The following PRDM16 variants were observed in gnomAD, a reference collection of about 807,000 sequenced individuals.
The protein encoded by PRDM16 is histone-lysine N-methyltransferase PRDM16.
Under a neutral mutation model 110.6 loss-of-function variants are expected in PRDM16, and 23 were observed. That is an observed-to-expected ratio of 0.21 (90% CI 0.15 to 0.29). The LOEUF is 0.29. Ranked by LOEUF, PRDM16 falls within the 10% of genes least tolerant of loss-of-function variation. PRDM16 has a pLI of 1.00. For missense variants in PRDM16, 1,615 were observed against 1,794.3 expected, an observed-to-expected ratio of 0.90 and a Z score of 1.81; for synonymous variants, 799 against 781.8, an observed-to-expected ratio of 1.02 and a Z score of -0.37.
At position 3,411,912 on chromosome 1, in the gene PRDM16, C is replaced by A. The variant is rs750914621; in HGVS notation, c.1715C>A (p.Ala572Asp). 2.0e-5 allele frequency: 33 copies of A among 1,613,736 alleles called. No homozygotes were observed. The South Asian group carries it at 3.6e-4, about 18-fold the overall frequency. ...VSNSSQGTTAAAGPEEKFESR... is the reference protein window; with the variant it reads ...VSNSSQGTTADAGPEEKFESR... ...AACAGCAGCCAGGGCACGACGGCAG[C>A]TGCGGGGCCCGAGGAGAAGTTCGAG... Residue 572 changes from alanine to aspartate, a missense_variant, in exon 9 of 17, where the codon GCT (alanine) becomes GAT (aspartate). By Grantham distance (126) the Ala-to-Asp change is moderately radical. Around this residue, in one of 5 missense-constraint regions of PRDM16, gnomAD observed 772 missense variants for 748.3 expected, o/e 1.03. Transcript: ENST00000270722.
Position 3,426,111 on chromosome 1 carries a change from C to G in PRDM16, c.3170C>G (p.Ser1057Ter). ...HLGTSASSPT[S>*]ESDNHALLDE... The stretch of plus-strand genomic sequence containing the variant: ...GGGACCAGCGCGTCCTCTCCCACCT[C>G]AGAGTCGGACAACCACGCACTTTTA... The change falls in exon 14 of 17, where the codon TCA (serine) becomes TGA (stop). Residue 1057 changes from serine to a stop codon, truncating the protein, a stop_gained. Coordinates refer to ENST00000270722, the MANE Select transcript of PRDM16 (RefSeq NM_022114.4). LOFTEE classifies it high-confidence loss of function. 1 of 1,614,046 alleles carries G rather than the reference C, an allele frequency of 6.2e-7. No individual in the cohort carries two copies. The highest frequency in any genetic ancestry group is 8.5e-7 in the Non-Finnish European group (1 of 1,179,998).
rs1643020099 is a variant in PRDM16 at position 3,118,511 on chromosome 1, C to T, written c.37+49215C>T. 1.3e-5 allele frequency among the ~76,000 whole-genome samples: 2 copies of T among 152,192 alleles called. 1 individual carries two copies. The highest frequency in any genetic ancestry group is 4.1e-4 in the South Asian group (2 of 4,830). On this transcript the variant is annotated intron_variant, in intron 1 of 16. Transcript: ENST00000270722. ...CCGGGTAGTGTGGCCAGGGGCCTTCCCCGGCATGATGGCATCCGCCCCCAG... is the reference window on the plus strand; with the variant it reads ...CCGGGTAGTGTGGCCAGGGGCCTTCTCCGGCATGATGGCATCCGCCCCCAG...
At chr1:3,079,924 C>T (rs2100575341) in intron 1 of PRDM16, among the ~76,000 whole-genome samples, 1 of 152,336 alleles carries the variant, frequency 6.6e-6, no homozygotes, top group Non-Finnish European at 1.5e-5. Flanking sequence ...GAGCCACTTG[C>T]CTTGGCTGCA....
intron 1 of PRDM16, among the ~76,000 whole-genome samples, chr1:3,099,719 C>T (rs2981869): frequency 0.18 from 27,521 of 152,176 alleles, 2,771 homozygotes; most frequent in East Asian, 0.31. Context: ...GCTGGGGCCA[C>T]CCACCAGGCC....
At chr1:3,288,660 G>T (rs941290388) in intron 3 of PRDM16, among the ~76,000 whole-genome samples, 10 of 152,156 alleles carry the variant, frequency 6.6e-5, no homozygotes, top group Non-Finnish European at 1.3e-4. Flanking sequence ...CACCCCAGGG[G>T]CTCTAAAGAT....
intron 3 of PRDM16, among the ~76,000 whole-genome samples, chr1:3,361,817 G>A (rs1569570994): frequency 1.3e-5 from 2 of 150,548 alleles, no homozygotes. Context: ...AGGGCAGGTG[G>A]TGAGAAGTGA....
intron 1 of PRDM16, among the ~76,000 whole-genome samples, chr1:3,156,283 A>G (rs1643858261): frequency 6.6e-6 from 1 of 152,194 alleles, no homozygotes; most frequent in Non-Finnish European, 1.5e-5. Context: ...GATGGTGGCC[A>G]CTTTGAGTGT....
intron 9 of PRDM16, among the ~76,000 whole-genome samples, chr1:3,413,672 A>G (rs1370170353): frequency 6.6e-6 from 1 of 152,154 alleles, no homozygotes; most frequent in African/African-American, 2.4e-5. Flanking sequence ...TGTGTCTTGC[A>G]ACGGGGTGGC....
At chr1:3,181,963 CCTTACACATGCAGTCACATG>C (rs902590702) in intron 1 of PRDM16, among the ~76,000 whole-genome samples, 36 of 152,092 alleles carry the variant, frequency 2.4e-4, no homozygotes, top group South Asian at 2.1e-3. Context: ...CTTACACATG[CCTTACACATGCAGTCACATG>C]CTTACACATG....
intron 1 of PRDM16, among the ~76,000 whole-genome samples, chr1:3,122,782 G>C (rs957909957): frequency 7.2e-5 from 11 of 152,030 alleles, no homozygotes; most frequent in African/African-American, 2.7e-4. Context: ...GGGAGATGCT[G>C]TTGTATTTTA....
intron 1 of PRDM16, among the ~76,000 whole-genome samples, chr1:3,091,336 T>A (rs1642271692): frequency 6.6e-6 from 1 of 152,162 alleles, no homozygotes; most frequent in Admixed American, 6.5e-5. Context: ...AGCACTGGAC[T>A]TGACTTAAGC....
intron 3 of PRDM16, among the ~76,000 whole-genome samples, chr1:3,336,233 C>T (rs114374463): frequency 1.2e-3 from 179 of 152,148 alleles, no homozygotes; most frequent in African/African-American, 4.2e-3. Context: ...TGTGCACGTG[C>T]GTATATATGT....
intron 1 of PRDM16, among the ~76,000 whole-genome samples, chr1:3,159,201 C>T (rs940534162): frequency 1.3e-5 from 2 of 152,250 alleles, no homozygotes; most frequent in South Asian, 2.1e-4. Flanking sequence ...GCATGAGAAC[C>T]GAAGCCAGAT....
rs1553140763 is a variant in PRDM16 at position 3,181,060 on chromosome 1, G to GGTCTTACACACGCA, written c.38-5054_38-5053insGCAGTCTTACACAC. ...GTCTTACACACGCAGTCTTACACGC[G>GGTCTTACACACGCA]GTCTTACACACCCGGTCTTACACAC... is the stretch of plus-strand genomic sequence containing the variant. On this transcript the variant is annotated intron_variant, in intron 1 of 16. Coordinates refer to ENST00000270722, the MANE Select transcript of PRDM16 (RefSeq NM_022114.4). 3.6e-3 allele frequency among the ~76,000 whole-genome samples: 286 copies of GGTCTTACACACGCA among 78,478 alleles called. 4 individuals carry two copies. The highest frequency in any genetic ancestry group is 0.01 in the African/African-American group (274 of 27,386). The allele number at this position is 78,478 out of a possible 152,430, so 51.5% of individuals were successfully genotyped here. A position where few individuals can be genotyped will look rare whatever the true frequency, so the allele number is the denominator to read the frequency against.
intron 3 of PRDM16, among the ~76,000 whole-genome samples, chr1:3,329,864 C>T (rs922316993): frequency 2.0e-5 from 3 of 152,240 alleles, no homozygotes; most frequent in Non-Finnish European, 4.4e-5. Context: ...CCTGCCTTAC[C>T]CACAGGTGCC....
chr1:3,089,915 C>CTCATTCATTCATTCATTCAT (rs60239912), intron 1 of PRDM16, among the ~76,000 whole-genome samples: 2 of 151,412 alleles, frequency 1.3e-5, no homozygotes, highest in African/African-American at 4.9e-5. Context: ...CTAAAATCCA[C>CTCATTCATTCATTCATTCAT]TCATTCATTC....
intron 3 of PRDM16, among the ~76,000 whole-genome samples, chr1:3,366,414 G>A (rs1320786660): frequency 6.6e-6 from 1 of 152,206 alleles, no homozygotes; most frequent in African/African-American, 2.4e-5. Flanking sequence ...ATGCCTGTTC[G>A]CGCTCAGTAT....
Position 3,385,302 on chromosome 1 carries a change from T to TA in PRDM16, c.573+18dup. 6.2e-7 allele frequency: 1 copy of TA among 1,612,844 alleles called. No individual in the cohort carries two copies. The highest frequency in any genetic ancestry group is 8.5e-7 in the Non-Finnish European group (1 of 1,179,442). On this transcript the variant is annotated intron_variant, in intron 4 of 16. Coordinates refer to ENST00000270722, the MANE Select transcript of PRDM16 (RefSeq NM_022114.4). ...CAGTGAGCAGGTAGGTCCGGGCTCA[T>TA]AACAGGGGCTTCTGCCTCTTGGAAT... is the stretch of plus-strand genomic sequence containing the variant.
intron 1 of PRDM16, among the ~76,000 whole-genome samples, chr1:3,092,079 C>G (rs897863194): frequency 1.3e-5 from 2 of 152,076 alleles, no homozygotes; most frequent in East Asian, 3.9e-4. Context: ...CACGCAGGAT[C>G]GCAGGATGCT....
Sources: allele counts gnomAD v4.1 joint callset (sites outside exome capture counted in the v4.1 genomes callset), GRCh38; gene constraint gnomAD v4.1.1; regional missense constraint gnomAD v4.1.1; transcripts MANE v1.5; gene names NCBI Gene and HGNC (gene_info 2026-07-23, HGNC 2026-07-21).